The following TAOK1 variants were observed in gnomAD, a reference collection of about 807,000 sequenced individuals.
TAOK1 encodes TAO kinase 1.
In TAOK1, 21 loss-of-function variants were observed where a neutral mutation model predicts 138.3. That is an observed-to-expected ratio of 0.15 (90% CI 0.11 to 0.22). TAOK1 has a LOEUF of 0.22. Among genes scored for constraint, TAOK1 ranks in the 10% least tolerant of loss-of-function variants. TAOK1 has a pLI of 1.00. For missense variants in TAOK1, 651 were observed against 1,227.7 expected (o/e 0.53, Z 7.02); for synonymous variants, 361 against 398.4 (o/e 0.91, Z 1.12).
chr17:29,488,595 A>AATAATT (rs71966976), intron 8 of TAOK1, among the ~76,000 whole-genome samples: 1 of 147,338 alleles, frequency 6.8e-6, no homozygotes, highest in Non-Finnish European at 1.5e-5. Flanking sequence ...TAATAATAAT[A>AATAATT]ATAATAATAA....
At chr17:29,447,425 G>A (rs1378145565) in intron 1 of TAOK1, among the ~76,000 whole-genome samples, 2 of 151,972 alleles carry the variant, frequency 1.3e-5, no homozygotes, top group African/African-American at 2.4e-5. Flanking sequence ...TCACCTCCCG[G>A]ATTCAAGCAA....
chr17:29,469,754 C>T (rs2030768355), intron 3 of TAOK1, among the ~76,000 whole-genome samples: 1 of 152,124 alleles, frequency 6.6e-6, no homozygotes, highest in Admixed American at 6.6e-5. Flanking sequence ...TTTTCATTTA[C>T]CACATCATCT....
intron 2 of TAOK1, among the ~76,000 whole-genome samples, chr17:29,464,174 G>A (rs1185731781): frequency 5.9e-5 from 9 of 151,938 alleles, no homozygotes; most frequent in South Asian, 2.1e-4. Context: ...GGTGGCTCAC[G>A]CCTGTAATCC....
chr17:29,531,587 A>G (rs1469678531), intron 18 of TAOK1, among the ~76,000 whole-genome samples: 1 of 151,730 alleles, frequency 6.6e-6, no homozygotes, highest in African/African-American at 2.4e-5. Flanking sequence ...ACATGGCGAA[A>G]CCTCGTCTCT....
At chr17:29,509,990 T>A (rs1202746503) in intron 14 of TAOK1, among the ~76,000 whole-genome samples, 1 of 151,602 alleles carries the variant, frequency 6.6e-6, no homozygotes, top group Non-Finnish European at 1.5e-5. Context: ...GTGTTGGGAT[T>A]ACAGGTATGA....
chr17:29,425,667 T>C (rs757587337), intron 1 of TAOK1, among the ~76,000 whole-genome samples: 7 of 145,196 alleles, frequency 4.8e-5, no homozygotes, highest in Admixed American at 2.8e-4. Flanking sequence ...TTGTCAAAAA[T>C]GAAAAACAAA....
In TAOK1 at chr17:29,508,016, G is replaced by T; in HGVS notation, c.1459G>T (p.Ala487Ser). Reference sequence around the variant, plus strand: ...GATGACTCTGGAAAACAAGCTAAAGGCTGAGATGGATGAACATCGCCTCAG... The same window carrying T: ...GATGACTCTGGAAAACAAGCTAAAGTCTGAGATGGATGAACATCGCCTCAG... ...QLMTLENKLK[A>S]EMDEHRLRLD... Residue 487 changes from alanine to serine, a missense_variant, in exon 14 of 20, where the codon GCT becomes TCT. This residue lies in a region of TAOK1 where 258 missense variants were observed against 548.9 expected (regional missense o/e 0.47). Transcript: ENST00000261716. 1 of 1,614,146 alleles carries T rather than the reference G, an allele frequency of 6.2e-7. No homozygotes were observed. The highest frequency in any genetic ancestry group is 8.5e-7 in the Non-Finnish European group (1 of 1,179,998).
At chr17:29,531,205 G>T (rs1235159740) in intron 18 of TAOK1, among the ~76,000 whole-genome samples, 2 of 150,778 alleles carry the variant, frequency 1.3e-5, no homozygotes, top group Non-Finnish European at 1.5e-5. Context: ...CTGACCTCGT[G>T]ATCCGCCCGC....
intron 9 of TAOK1, 73 bp from the exon 10 acceptor site, chr17:29,491,711 A>C: frequency 9.7e-7 from 1 of 1,029,258 alleles, no homozygotes; most frequent in Non-Finnish European, 1.5e-6. Context: ...ACCAATAGGC[A>C]CGTGTCTTGA....
intron 8 of TAOK1, 127 bp from the exon 9 acceptor site, chr17:29,489,537 C>A: frequency 1.6e-6 from 1 of 613,432 alleles, no homozygotes. Context: ...ACTCTACTTG[C>A]AATTTTTTGT....
chr17:29,495,852 G>A (rs1017211712), intron 11 of TAOK1, 125 bp downstream of exon 11: 1 of 773,018 alleles, frequency 1.3e-6, no homozygotes, highest in African/African-American at 1.8e-5. Flanking sequence ...CTCAACACTG[G>A]TCCTATAAAA....
intron 1 of TAOK1, among the ~76,000 whole-genome samples, chr17:29,415,291 T>C (rs1905242518): frequency 6.6e-6 from 1 of 152,172 alleles, no homozygotes; most frequent in Non-Finnish European, 1.5e-5. Context: ...TTGGCTACTA[T>C]GAATGGTGCT....
chr17:29,531,757 C>T (rs1354849719), intron 18 of TAOK1, among the ~76,000 whole-genome samples: 2 of 148,002 alleles, frequency 1.4e-5, no homozygotes, highest in African/African-American at 2.5e-5. Flanking sequence ...AACGAGACTC[C>T]GTCTCAGAAA....
chr17:29,391,238 G>A (rs1011801946), intron 1 of TAOK1, among the ~76,000 whole-genome samples: 10 of 152,136 alleles, frequency 6.6e-5, no homozygotes, highest in Non-Finnish European at 1.5e-4. Context: ...TTTCCTGAGG[G>A]TCACCGGAAG....
intron 2 of TAOK1, among the ~76,000 whole-genome samples, chr17:29,464,822 C>CTTTT (rs547368498): frequency 6.1e-5 from 8 of 132,078 alleles, no homozygotes; most frequent in African/African-American, 5.6e-5. Flanking sequence ...TAAGCTCTGT[C>CTTTT]TTTTTTTTTT....
At chr17:29,462,106 A>G (rs1369843228) in intron 2 of TAOK1, among the ~76,000 whole-genome samples, 1 of 152,226 alleles carries the variant, frequency 6.6e-6, no homozygotes, top group African/African-American at 2.4e-5. Flanking sequence ...ATCTAAAGGA[A>G]GGACCCTCTG....
At chr17:29,495,956 G>A (rs1027681209) in intron 11 of TAOK1, among the ~76,000 whole-genome samples, 1 of 152,134 alleles carries the variant, frequency 6.6e-6, no homozygotes, top group East Asian at 1.9e-4. Context: ...ATGTTAGATT[G>A]CATGCTCTAA....
At chr17:29,422,022 C>T (rs940844244) in intron 1 of TAOK1, among the ~76,000 whole-genome samples, 1 of 150,438 alleles carries the variant, frequency 6.6e-6, no homozygotes, top group Non-Finnish European at 1.5e-5. Context: ...CTCAGCCTCC[C>T]GAGTAGCTGG....
intron 18 of TAOK1, 97 bp from the exon 19 acceptor site, chr17:29,534,021 T>C: frequency 3.9e-6 from 5 of 1,292,028 alleles, no homozygotes; most frequent in Non-Finnish European, 5.1e-6. Flanking sequence ...AAAAGAGTAG[T>C]CTGTCTTCTA....
Sources: gnomAD v4.1 joint callset for allele counts (sites outside exome capture counted in the v4.1 genomes callset) on GRCh38, gnomAD v4.1.1 for gene constraint, gnomAD v4.1.1 regional missense constraint, MANE v1.5 for transcripts, NCBI Gene and HGNC (gene_info 2026-07-23, HGNC 2026-07-21) for gene names.